The following FAS variants were observed in gnomAD, a reference collection of about 807,000 sequenced individuals.
The protein encoded by FAS is Fas cell surface death receptor.
In FAS, 5 loss-of-function variants were observed where a neutral mutation model predicts 33.2. The observed-to-expected ratio is 0.15, with a 90% CI of 0.08 to 0.32. The LOEUF is 0.32. Ranked by LOEUF, FAS falls within the 10% of genes least tolerant of loss-of-function variation. The pLI is 1.00. For missense variants in FAS, 339 were observed against 386.0 expected, an observed-to-expected ratio of 0.88 and a Z score of 1.02; for synonymous variants, 131 against 130.7, an observed-to-expected ratio of 1.00 and a Z score of -0.01.
At chr10:88,980,268 A>G (rs1433770089) in intron 2 of FAS, among the ~76,000 whole-genome samples, 2 of 152,158 alleles carry the variant, frequency 1.3e-5, no homozygotes, top group Non-Finnish European at 2.9e-5. Context: ...TATAGATTTG[A>G]AGAGCATCTG....
chr10:88,991,040 T>C, intron 1 of FAS, 134 bp downstream of exon 1: 1 of 1,242,042 alleles, frequency 8.1e-7, no homozygotes, highest in Non-Finnish European at 1.2e-6. Context: ...GGCGGGCTGC[T>C]GCGGGAGGCG....
chr10:89,011,992 CT>C lies in FAS; in HGVS notation c.569-4del. 1 of 1,613,236 alleles carries C rather than the reference CT, an allele frequency of 6.2e-7. No homozygotes were observed. The highest frequency in any genetic ancestry group is 8.5e-7 in the Non-Finnish European group (1 of 1,179,400). On this transcript the variant is annotated splice_region_variant and splice_polypyrimidine_tract_variant and intron_variant, in intron 6 of 8. Transcript: ENST00000652046. Reference sequence around the variant, plus strand: ...CCTGAGTTGATAAAATTTCTTTGTTCTTTCAGTGAAGAGAAAGGAAGTACAG... The same window carrying C: ...CCTGAGTTGATAAAATTTCTTTGTTCTTCAGTGAAGAGAAAGGAAGTACAG...
intron 1 of FAS, among the ~76,000 whole-genome samples, chr10:88,994,487 A>C (rs987472625): frequency 3.3e-5 from 5 of 152,204 alleles, no homozygotes; most frequent in Non-Finnish European, 7.3e-5. Flanking sequence ...AGGACAGTGA[A>C]CCCATCCCTT....
At chr10:88,998,984 C>A (rs180770549) in intron 1 of FAS, among the ~76,000 whole-genome samples, 64 of 151,970 alleles carry the variant, frequency 4.2e-4, no homozygotes, top group Middle Eastern at 3.4e-3. Flanking sequence ...GAAACCCCGT[C>A]TCTACTAAAA....
intron 1 of FAS, among the ~76,000 whole-genome samples, chr10:88,972,167 A>G (rs1365051763): frequency 6.6e-6 from 1 of 152,182 alleles, no homozygotes. Context: ...TCAGCCTCCC[A>G]AAGTGCTGAG....
At chr10:89,009,314 G>A (rs9658755) in intron 4 of FAS, among the ~76,000 whole-genome samples, 15 of 152,226 alleles carry the variant, frequency 9.9e-5, no homozygotes, top group Admixed American at 2.0e-4. Flanking sequence ...AGAGACTTAT[G>A]TTCCAGGTGT....
chr10:89,010,126 G>A (rs771604441), intron 4 of FAS, among the ~76,000 whole-genome samples: 1 of 152,118 alleles, frequency 6.6e-6, no homozygotes, highest in Non-Finnish European at 1.5e-5. Context: ...CTACATCATG[G>A]GCGTGGCTAT....
intron 1 of FAS, chr10:88,991,108 C>T (rs1013895910): frequency 1.1e-4 from 75 of 653,774 alleles, no homozygotes; most frequent in Non-Finnish European, 1.7e-4. Context: ...GTGCTCAGAA[C>T]GCTGGAGGAC....
chr10:88,988,942 A>G (rs1847007157), upstream of FAS, among the ~76,000 whole-genome samples: 3 of 152,214 alleles, frequency 2.0e-5, no homozygotes, highest in South Asian at 6.2e-4. Flanking sequence ...ACATATTCCT[A>G]TCTCCTTGAA....
At chr10:88,998,320 C>T (rs1192331645) in intron 1 of FAS, among the ~76,000 whole-genome samples, 9 of 140,738 alleles carry the variant, frequency 6.4e-5, no homozygotes, top group African/African-American at 2.4e-4. Flanking sequence ...TGTCTACAAG[C>T]TTTATATAGC....
At chr10:88,966,604 T>C (rs1428739189) in intron 1 of FAS, among the ~76,000 whole-genome samples, 2 of 152,174 alleles carry the variant, frequency 1.3e-5, no homozygotes, top group Non-Finnish European at 2.9e-5. Flanking sequence ...AAGGAAAGCA[T>C]GACTTAGACA....
In FAS at chr10:89,003,413, C is replaced by A. The variant is rs984453797; in HGVS notation, c.196+219C>A. On this transcript the variant is annotated intron_variant, in intron 2 of 8. Transcript: ENST00000652046. ...ATGGATAAATTTAATTTACAAGTGA[C>A]ATGCACCTCTGAAATGAGAAGACTG... 3.3e-5 allele frequency among the ~76,000 whole-genome samples: 5 copies of A among 152,170 alleles called. No homozygotes were observed. In the East Asian group the frequency reaches 9.6e-4, roughly 29 times the overall value.
chr10:88,978,265 G>A (rs1210805974), intron 2 of FAS, among the ~76,000 whole-genome samples: 1 of 114,196 alleles, frequency 8.8e-6, no homozygotes, highest in Admixed American at 9.8e-5. Context: ...GGGGGGAGGG[G>A]GGAGGGATAG....
chr10:88,990,635 G>C (rs1254006585), upstream of FAS: 3 of 692,694 alleles, frequency 4.3e-6, no homozygotes, highest in Non-Finnish European at 7.9e-6. This position sits in a 1 kb window ranked among gnomAD's most constrained non-coding sequence, Gnocchi z 4.9. Context: ...GGGGCTTTTC[G>C]TGAGCTCGTC....
At chr10:88,988,417 T>C (rs960180466), upstream of FAS, among the ~76,000 whole-genome samples, 4 of 4,388 alleles carry the variant, frequency 9.1e-4, no homozygotes, top group Admixed American at 8.1e-3. Context: ...GATGTAGAAG[T>C]TTTTTTTTTT....
chr10:88,999,599 G>A (rs190316160), intron 1 of FAS, among the ~76,000 whole-genome samples: 4 of 152,240 alleles, frequency 2.6e-5, no homozygotes, highest in Admixed American at 2.0e-4. Context: ...GTCTCTATGG[G>A]TGCCTAAACA....
chr10:88,987,464 G>T (rs1325449719), upstream of FAS, among the ~76,000 whole-genome samples: 1 of 152,182 alleles, frequency 6.6e-6, no homozygotes, highest in Admixed American at 6.5e-5. Context: ...TGATCTTTCA[G>T]CATGGTTTCC....
Position 89,016,834 on chromosome 10 carries a change from T to C in FAS, c.*2384T>C, listed in dbSNP as rs1316466476. The C allele has an allele frequency of 4.8e-6, 1 of 210,044 alleles. No homozygotes were observed. Among genetic ancestry groups the C allele is most frequent in the East Asian group, 7.2e-5 (1 of 13,902 alleles). The allele number at this position is 210,044 out of a possible 1,614,324, so 13.0% of individuals were successfully genotyped here. A position where few individuals can be genotyped will look rare whatever the true frequency, so the allele number is the denominator to read the frequency against. On this transcript the variant is annotated 3_prime_UTR_variant, in exon 9 of 9. Transcript: ENST00000652046. ...TATTCAAACATCTTGGTCTTCTTTA[T>C]TGGCATGCCCACAGGGTCTTCTGAC...
intron 1 of FAS, among the ~76,000 whole-genome samples, chr10:88,995,799 C>A (rs1847552607): frequency 6.6e-6 from 1 of 152,110 alleles, no homozygotes; most frequent in Non-Finnish European, 1.5e-5. Flanking sequence ...GCACTCCAGG[C>A]TGGGCGACAG....
Sources: gnomAD v4.1 joint callset for allele counts (sites outside exome capture counted in the v4.1 genomes callset) on GRCh38, gnomAD v4.1.1 for gene constraint, Gnocchi (gnomAD v3.1) non-coding constraint, MANE v1.5 for transcripts, NCBI Gene and HGNC (gene_info 2026-07-23, HGNC 2026-07-21) for gene names.